CRYL1: variants seen among roughly 807,000 people sequenced by gnomAD.
The protein encoded by CRYL1 is lambda-crystallin homolog.
Under a neutral mutation model 36.6 loss-of-function variants are expected in CRYL1, and 29 were observed. The ratio of observed to expected loss-of-function variants is 0.79; its 90% CI spans 0.59 to 1.08. The LOEUF is 1.08. Among genes scored for constraint, CRYL1 ranks in the 50% least tolerant of loss-of-function variants. The probability of loss-of-function intolerance (pLI) is 0.00; values close to 1 mark genes in which losing one functional copy is unlikely to be tolerated. For synonymous variants in CRYL1, 152 were observed against 151.5 expected, an observed-to-expected ratio of 1.00 and a Z score of -0.02; for missense variants, 411 against 407.9, an observed-to-expected ratio of 1.01 and a Z score of -0.06.
chr13:20,475,084 C>T (rs756864745), intron 3 of CRYL1, among the ~76,000 whole-genome samples: 8 of 152,150 alleles, frequency 5.3e-5, no homozygotes, highest in African/African-American at 1.4e-4. Context: ...CCCAGAGTGG[C>T]GAGTCAGAAG....
At chr13:20,495,596 T>C (rs1420893329) in intron 2 of CRYL1, among the ~76,000 whole-genome samples, 1 of 152,082 alleles carries the variant, frequency 6.6e-6, no homozygotes, top group Non-Finnish European at 1.5e-5. Context: ...CTCAAAAAGT[T>C]AAAAATAGAG....
At chr13:20,450,151 G>C (rs1411386662) in intron 3 of CRYL1, among the ~76,000 whole-genome samples, 1 of 152,044 alleles carries the variant, frequency 6.6e-6, no homozygotes, top group Non-Finnish European at 1.5e-5. Flanking sequence ...TAAGCAAAAA[G>C]AACAAAGCTG....
rs2031785098 is a variant in CRYL1 at position 20,420,704 on chromosome 13, TGTGTGTGTGTGTGTGTGTG to T, written c.634-7336_634-7318del. Among the ~76,000 whole-genome samples the T allele has an allele frequency of 3.7e-5, 4 of 109,480 alleles. 1 individual carries two copies. The highest frequency in any genetic ancestry group is 5.7e-5 in the Non-Finnish European group (3 of 52,454). The allele number at this position is 109,480 out of a possible 152,430, so 71.8% of individuals were successfully genotyped here. ...TGACTTTTCTTTAAAATAGAGGTTG[TGTGTGTGTGTGTGTGTGTG>T]TGTGTGTGTGTGTGTGTGTGTGTGT... On this transcript the variant is annotated intron_variant, in intron 5 of 7. Transcript: ENST00000298248.
At chr13:20,458,733 C>G (rs1003435928) in intron 3 of CRYL1, among the ~76,000 whole-genome samples, 3 of 152,166 alleles carry the variant, frequency 2.0e-5, no homozygotes, top group African/African-American at 7.2e-5. Context: ...CATGTGGACA[C>G]CAAATAGTGC....
At chr13:20,465,957 A>G (rs1267731207) in intron 3 of CRYL1, among the ~76,000 whole-genome samples, 4 of 151,618 alleles carry the variant, frequency 2.6e-5, no homozygotes, top group Non-Finnish European at 4.4e-5. Context: ...AAAAAAAAAA[A>G]AAAAGCCCAT....
Position 20,439,575 on chromosome 13 carries a change from T to C in CRYL1, c.438+18A>G. 1 of 1,516,250 alleles carries C rather than the reference T, an allele frequency of 6.6e-7. No individual in the cohort carries two copies. The highest frequency in any genetic ancestry group is 2.7e-5 in the East Asian group (1 of 37,584). The allele number at this position is 1,516,250 out of a possible 1,614,324, so 93.9% of individuals were successfully genotyped here. A position where few individuals can be genotyped will look rare whatever the true frequency, so the allele number is the denominator to read the frequency against. On this transcript the variant is annotated intron_variant, in intron 4 of 7. Transcript: ENST00000298248. Reference sequence around the variant, plus strand: ...ATGAGATGAGATACAATCAATCCTCTGGATTTAAAATACTCACAGGATGAG... The same window carrying C: ...ATGAGATGAGATACAATCAATCCTCCGGATTTAAAATACTCACAGGATGAG...
chr13:20,517,059 A>T lies in CRYL1; in HGVS notation c.42-4509T>A, dbSNP rs150794262. On this transcript the variant is annotated intron_variant, in intron 1 of 7. Transcript: ENST00000298248. ...TCACGCCACTGTACTCCAGCCTCAG[A>T]CAGAGCAAGACCCTGTATAAAAAAG... Among the ~76,000 whole-genome samples the T allele has an allele frequency of 1.8e-3, 270 of 152,224 alleles. 3 individuals are homozygous for T. Among genetic ancestry groups the T allele is most frequent in the African/African-American group, 6.1e-3 (253 of 41,544 alleles).
At chr13:20,451,344 G>C (rs9552186) in intron 3 of CRYL1, among the ~76,000 whole-genome samples, 14 of 151,886 alleles carry the variant, frequency 9.2e-5, no homozygotes, top group Non-Finnish European at 1.9e-4. Flanking sequence ...TATCAACAGC[G>C]TAAAAAGACA....
At chr13:20,486,304 CTAAG>C (rs1422049816) in intron 3 of CRYL1, among the ~76,000 whole-genome samples, 15 of 152,160 alleles carry the variant, frequency 9.9e-5, no homozygotes, top group Non-Finnish European at 1.9e-4. Flanking sequence ...CTCAATTCAC[CTAAG>C]TAATTCTTCA....
At chr13:20,511,976 A>T (rs770435438) in intron 2 of CRYL1, among the ~76,000 whole-genome samples, 13 of 152,352 alleles carry the variant, frequency 8.5e-5, no homozygotes, top group Admixed American at 3.9e-4. Context: ...CTCTCACATG[A>T]GTGCTAAACC....
At chr13:20,516,344 C>T (rs1222179781) in intron 1 of CRYL1, among the ~76,000 whole-genome samples, 1 of 152,172 alleles carries the variant, frequency 6.6e-6, no homozygotes, top group Admixed American at 6.5e-5. Flanking sequence ...GCTTACCTAC[C>T]CCACCAGAAG....
chr13:20,492,910 T>C (rs1400780709), intron 2 of CRYL1, among the ~76,000 whole-genome samples: 1 of 152,160 alleles, frequency 6.6e-6, no homozygotes, highest in African/African-American at 2.4e-5. Context: ...GTAGTATGAA[T>C]TTGAGGATTG....
At chr13:20,516,882 G>T (rs1308382754) in intron 1 of CRYL1, among the ~76,000 whole-genome samples, 1 of 152,016 alleles carries the variant, frequency 6.6e-6, no homozygotes, top group Non-Finnish European at 1.5e-5. Context: ...GAAGAGCCTG[G>T]GCAACAGAGG....
At chr13:20,440,847 T>TGCTGCA in intron 3 of CRYL1, among the ~76,000 whole-genome samples, 1 of 152,268 alleles carries the variant, frequency 6.6e-6, no homozygotes, top group East Asian at 1.9e-4. Context: ...TTGGATTAAA[T>TGCTGCA]GCTGCAGATA....
At position 20,481,120 on chromosome 13, in the gene CRYL1, G is replaced by C. The variant is rs779718341; in HGVS notation, c.276+8250C>G. 1.1e-3 allele frequency among the ~76,000 whole-genome samples: 160 copies of C among 152,334 alleles called. No individual in the cohort carries two copies. Among genetic ancestry groups the C allele is most frequent in the Non-Finnish European group, 2.4e-4 (16 of 68,038 alleles). On this transcript the variant is annotated intron_variant, in intron 3 of 7. Transcript: ENST00000298248. The surrounding 1 kb of genome is among the most constrained non-coding windows in gnomAD (Gnocchi z 4.1). ...TAAGGGCTGTGGCAGGAAGCTAGTAGAACATTAGGACAGAATGTTTTCACA... is the reference window on the plus strand; with the variant it reads ...TAAGGGCTGTGGCAGGAAGCTAGTACAACATTAGGACAGAATGTTTTCACA...
At chr13:20,478,286 T>C (rs1346460784) in intron 3 of CRYL1, among the ~76,000 whole-genome samples, 1 of 152,192 alleles carries the variant, frequency 6.6e-6, no homozygotes, top group Admixed American at 6.5e-5. Context: ...TAAAATTGTT[T>C]CTATTAGATA....
rs965268635 is a variant in CRYL1 at position 20,481,739 on chromosome 13, C to A, written c.276+7631G>T. Among the ~76,000 whole-genome samples, 2 of 151,972 alleles carry A rather than the reference C, an allele frequency of 1.3e-5. No homozygotes were observed. Among genetic ancestry groups the A allele is most frequent in the East Asian group, 3.9e-4 (2 of 5,180 alleles). ...CAGCCTGGCCAACATGATGAAACCCCGTCTCTACTAAAAATACAAAACTTA... is the reference window on the plus strand; with the variant it reads ...CAGCCTGGCCAACATGATGAAACCCAGTCTCTACTAAAAATACAAAACTTA... On this transcript the variant is annotated intron_variant, in intron 3 of 7. Transcript: ENST00000298248. The surrounding 1 kb of genome is among the most constrained non-coding windows in gnomAD (Gnocchi z 4.1).
Position 20,512,462 on chromosome 13 carries a change from T to C in CRYL1, c.130A>G (p.Asn44Asp), listed in dbSNP as rs2033932228. The part of the protein sequence containing the change: ...LYDIEQQQIR[N>D]ALENIRKEMK... ...GCCCACCTGATGTTTTCCAGGGCGT[T>C]CCTTATCTGCTGTTGCTCAATGTCA... Residue 44 changes from asparagine to aspartate, a missense_variant, in exon 2 of 8, where the codon AAC becomes GAC. Coordinates refer to ENST00000298248, the MANE Select transcript of CRYL1 (RefSeq NM_015974.3). The C allele has an allele frequency of 1.2e-6, 2 of 1,613,968 alleles. No individual in the cohort carries two copies. The highest frequency in any genetic ancestry group is 1.1e-5 in the South Asian group (1 of 91,050).
At chr13:20,422,867 C>T (rs1327833498) in intron 5 of CRYL1, among the ~76,000 whole-genome samples, 7 of 152,192 alleles carry the variant, frequency 4.6e-5, no homozygotes, top group Admixed American at 4.6e-4. Flanking sequence ...ATCTGTAGAT[C>T]ACCTTGGGCA....
Sources: allele counts gnomAD v4.1 joint callset (sites outside exome capture counted in the v4.1 genomes callset), GRCh38; gene constraint gnomAD v4.1.1; non-coding constraint Gnocchi (gnomAD v3.1); transcripts MANE v1.5; gene names NCBI Gene and HGNC (gene_info 2026-07-23, HGNC 2026-07-21).